The following BCL7C variants were observed in gnomAD, a reference collection of about 807,000 sequenced individuals.
BCL7C encodes the protein B-cell CLL/lymphoma 7 protein family member C.
A neutral mutation model predicts 26.2 loss-of-function variants in BCL7C; 8 were observed. The ratio of observed to expected loss-of-function variants is 0.30; its 90% CI spans 0.18 to 0.55. The LOEUF (loss-of-function observed/expected upper bound fraction) is 0.55. Ranked by LOEUF, BCL7C falls within the 20% of genes least tolerant of loss-of-function variation. BCL7C has a pLI of 0.93. For missense variants in BCL7C, 262 were observed against 298.5 expected (o/e 0.88, Z 0.90); for synonymous variants, 90 against 116.5 (o/e 0.77, Z 1.47).
intron 5 of BCL7C, among the ~76,000 whole-genome samples, chr16:30,858,684 CAT>C (rs959475049): frequency 1.3e-5 from 2 of 152,108 alleles, no homozygotes; most frequent in South Asian, 2.1e-4. Flanking sequence ...AATCCTATCA[CAT>C]GTCAGAAATT....
chr16:30,879,687 T>TAAAAAAAAAAAAA (rs2055007794), intron 5 of BCL7C, among the ~76,000 whole-genome samples: 4 of 1,926 alleles, frequency 2.1e-3, no homozygotes, highest in Non-Finnish European at 0.014. Flanking sequence ...TCCCCTTCTC[T>TAAAAAAAAAAAAA]ACAAAAAAAA....
intron 5 of BCL7C, among the ~76,000 whole-genome samples, chr16:30,856,419 C>T (rs542444708): frequency 3.8e-5 from 5 of 133,072 alleles, no homozygotes; most frequent in South Asian, 2.2e-4. Flanking sequence ...CCAGTCTGGG[C>T]GACACAGTGA....
intron 5 of BCL7C, among the ~76,000 whole-genome samples, chr16:30,856,224 G>A (rs920334089): frequency 2.0e-5 from 3 of 151,310 alleles, no homozygotes; most frequent in East Asian, 1.9e-4. Context: ...GGCGGATCAC[G>A]AGGTCAGGAG....
At chr16:30,873,326 A>G (rs899396838) in intron 5 of BCL7C, among the ~76,000 whole-genome samples, 1 of 152,200 alleles carries the variant, frequency 6.6e-6, no homozygotes, top group African/African-American at 2.4e-5. Flanking sequence ...TCAACTCTAT[A>G]GAGACAGAAA....
At chr16:30,850,229 A>G (rs1055188762) in intron 5 of BCL7C, among the ~76,000 whole-genome samples, 5 of 149,364 alleles carry the variant, frequency 3.3e-5, no homozygotes, top group Admixed American at 6.7e-5. Context: ...AAAAAAAAAG[A>G]AAAGAAAAGA....
chr16:30,893,904 G>A lies in BCL7C; in HGVS notation c.41C>T (p.Ala14Val). 1 of 1,601,002 alleles carries A rather than the reference G, an allele frequency of 6.2e-7. No individual in the cohort carries two copies. Among genetic ancestry groups the A allele is most frequent in the Non-Finnish European group, 8.5e-7 (1 of 1,178,818 alleles). ...RTVRAETRSR[A>V]KDDIKKVMAT... ...CATCACCTTCTTGATGTCATCCTTGGCCCGGCTCCGGGTCTCGGCCCGTAC... is the reference window on the plus strand; with the variant it reads ...CATCACCTTCTTGATGTCATCCTTGACCCGGCTCCGGGTCTCGGCCCGTAC... Residue 14 changes from alanine (A) to valine (V), a missense_variant, in exon 1 of 6, where the codon GCC (alanine) becomes GTC (valine). Coordinates refer to ENST00000215115, the MANE Select transcript of BCL7C (RefSeq NM_004765.4). The surrounding 1 kb of genome is among the most constrained non-coding windows in gnomAD (Gnocchi z 5.2).
chr16:30,873,451 T>G (rs1211650070), intron 5 of BCL7C, among the ~76,000 whole-genome samples: 1 of 152,166 alleles, frequency 6.6e-6, no homozygotes, highest in Non-Finnish European at 1.5e-5. Context: ...GTGGTGATAT[T>G]TGCAAAACTG....
chr16:30,850,327 T>A (rs1185426047), intron 5 of BCL7C, among the ~76,000 whole-genome samples: 2 of 152,168 alleles, frequency 1.3e-5, no homozygotes, highest in African/African-American at 4.8e-5. Context: ...TACTTTTGCA[T>A]GGCATATCTT....
At chr16:30,835,177 G>T in intron 5 of BCL7C, 1 of 1,444,850 alleles carries the variant, frequency 6.9e-7, no homozygotes. Context: ...AATCTGGGTA[G>T]TGTTTCCTCT....
At chr16:30,846,523 G>A (rs1474774227) in intron 5 of BCL7C, among the ~76,000 whole-genome samples, 2 of 152,030 alleles carry the variant, frequency 1.3e-5, no homozygotes, top group Non-Finnish European at 2.9e-5. Context: ...CACTGCGCCC[G>A]GCTTAAAATT....
chr16:30,873,740 A>G (rs1376876660), intron 5 of BCL7C, among the ~76,000 whole-genome samples: 1 of 149,932 alleles, frequency 6.7e-6, no homozygotes, highest in Non-Finnish European at 1.5e-5. Context: ...AATCCCAGCT[A>G]CTCGGGAGGC....
At chr16:30,862,804 A>C (rs1480193067) in intron 5 of BCL7C, among the ~76,000 whole-genome samples, 2 of 152,086 alleles carry the variant, frequency 1.3e-5, no homozygotes, top group African/African-American at 4.8e-5. Flanking sequence ...CATCCTAACT[A>C]AATCATTATA....
chr16:30,860,152 A>G (rs1355821050), intron 5 of BCL7C, among the ~76,000 whole-genome samples: 1 of 152,174 alleles, frequency 6.6e-6, no homozygotes, highest in Non-Finnish European at 1.5e-5. Context: ...AAGGAGACAC[A>G]TTTTATCCGT....
At chr16:30,844,581 T>C (rs1357667007) in intron 5 of BCL7C, among the ~76,000 whole-genome samples, 1 of 152,176 alleles carries the variant, frequency 6.6e-6, no homozygotes, top group Non-Finnish European at 1.5e-5. Flanking sequence ...CCCTTGCTTC[T>C]TTTAATTTTT....
rs1187827463 is a variant in BCL7C, at chr16:30,879,689, C to CAAAAAAAAAA, written c.528+9161_528+9170dup. Among the ~76,000 whole-genome samples the CAAAAAAAAAA allele has an allele frequency of 9.7e-3, 286 of 29,386 alleles. 49 individuals carry two copies. Among genetic ancestry groups the CAAAAAAAAAA allele is most frequent in the African/African-American group, 0.034 (267 of 7,752 alleles). The allele number at this position is 29,386 out of a possible 152,430, so 19.3% of individuals were successfully genotyped here. ...AACACAGAGAGACTCCCCTTCTCTA[C>CAAAAAAAAAA]AAAAAAAAAAAAAAAAAAAACTGGG... On this transcript the variant is annotated intron_variant, in intron 5 of 5. Coordinates refer to the BCL7C transcript ENST00000380317.
At chr16:30,870,482 T>G (rs561710706) in intron 5 of BCL7C, among the ~76,000 whole-genome samples, 2 of 151,478 alleles carry the variant, frequency 1.3e-5, no homozygotes, top group Non-Finnish European at 2.9e-5. Flanking sequence ...GTGGCCAACA[T>G]AGTGAGACCC....
intron 5 of BCL7C, among the ~76,000 whole-genome samples, chr16:30,846,232 A>G (rs1448077778): frequency 6.9e-6 from 1 of 144,336 alleles, no homozygotes; most frequent in Admixed American, 7.0e-5. Flanking sequence ...TTATTTATTT[A>G]TTTATTTTTT....
chr16:30,892,916 T>C lies in BCL7C; in HGVS notation c.204A>G (p.Arg68=). Residue 68 remains arginine (R), a synonymous_variant, in exon 3 of 6, where the codon AGA becomes AGG. Transcript: ENST00000215115. ...TGCCCCGACGTTCCCGGCCACGGGA[T>C]CTCTCTGCCCCGCCACCTGCCCGCC... The part of the protein sequence containing the change: ...ERRRAGGGAE[R]SRGRERRGRG... The C allele has an allele frequency of 6.2e-7, 1 of 1,613,034 alleles. No homozygotes were observed. The highest frequency in any genetic ancestry group is 8.5e-7 in the Non-Finnish European group (1 of 1,179,942).
chr16:30,863,848 T>C (rs1435283866), intron 5 of BCL7C, among the ~76,000 whole-genome samples: 3 of 152,222 alleles, frequency 2.0e-5, no homozygotes, highest in African/African-American at 7.2e-5. Flanking sequence ...CTTTCCATAG[T>C]GAAAATCTAT....
Sources: allele counts gnomAD v4.1 joint callset (sites outside exome capture counted in the v4.1 genomes callset), GRCh38; gene constraint gnomAD v4.1.1; non-coding constraint Gnocchi (gnomAD v3.1); transcripts MANE v1.5; gene names NCBI Gene and HGNC (gene_info 2026-07-23, HGNC 2026-07-21).